SGCD: variants seen among roughly 807,000 people sequenced by gnomAD.
SGCD encodes the protein sarcoglycan delta.
Under a neutral mutation model 36.6 loss-of-function variants are expected in SGCD, and 18 were observed. The ratio of observed to expected loss-of-function variants is 0.49; its 90% CI spans 0.34 to 0.73. The LOEUF (loss-of-function observed/expected upper bound fraction) is 0.73, where lower values mean the gene tolerates loss of function less well. Among genes scored for constraint, SGCD ranks in the 30% least tolerant of loss-of-function variants. The pLI is 0.01. For missense variants in SGCD, 387 were observed against 346.7 expected (o/e 1.12, Z -0.92); for synonymous variants, 133 against 130.6 (o/e 1.02, Z -0.12).
chr5:156,357,640 CA>C (rs1427549158), intron 3 of SGCD, among the ~76,000 whole-genome samples: 3 of 152,110 alleles, frequency 2.0e-5, no homozygotes, highest in Non-Finnish European at 4.4e-5. Flanking sequence ...TGTTGCTTTT[CA>C]GTTACTTTTG....
chr5:156,327,646 T>C lies in SGCD; in HGVS notation c.-44+414T>C, dbSNP rs114305010. ...CGCAAGAGTTTTAATGGGGAGTTTT[T>C]TGTTGTTGTTGTTTTTTAATAGTAG... On this transcript the variant is annotated intron_variant, in intron 1 of 8. Transcript: ENST00000337851. 8.7e-3 allele frequency among the ~76,000 whole-genome samples: 1,306 copies of C among 150,422 alleles called. 21 individuals carry two copies. Among genetic ancestry groups the C allele is most frequent in the African/African-American group, 0.03 (1,228 of 41,450 alleles).
intron 1 of SGCD, among the ~76,000 whole-genome samples, chr5:156,023,654 T>C (rs1759157354): frequency 6.6e-6 from 1 of 152,206 alleles, no homozygotes; most frequent in Admixed American, 6.5e-5. Context: ...AGTGTTGAGA[T>C]GGGCTCAGGT....
At chr5:156,422,802 T>C (rs1773379149) in intron 3 of SGCD, among the ~76,000 whole-genome samples, 1 of 151,994 alleles carries the variant, frequency 6.6e-6, no homozygotes, top group Non-Finnish European at 1.5e-5. Flanking sequence ...CAAAATTGTC[T>C]TCAGACATTG....
rs1245818292 is a variant in SGCD, at chr5:156,554,625, CAT to C, written c.295-34605_295-34604del. On this transcript the variant is annotated intron_variant, in intron 4 of 8. Coordinates refer to ENST00000337851, the MANE Select transcript of SGCD (RefSeq NM_000337.6). ...TGCATATAACATATATGTATATAAA[CAT>C]GTGCATATAATATATATTATATATA... 6.8e-5 allele frequency among the ~76,000 whole-genome samples: 10 copies of C among 147,860 alleles called. No individual in the cohort carries two copies. The East Asian group carries it at 2.0e-3, about 29-fold the overall frequency.
intron 6 of SGCD, among the ~76,000 whole-genome samples, chr5:156,638,698 G>C (rs1327594868): frequency 6.6e-6 from 1 of 152,036 alleles, no homozygotes; most frequent in African/African-American, 2.4e-5. Context: ...TGCTTGGATG[G>C]TTCCTTTTGT....
intron 1 of SGCD, chr5:156,117,866 G>A (rs191247224): frequency 2.0e-5 from 3 of 152,194 alleles, no homozygotes; most frequent in Non-Finnish European, 4.4e-5. Flanking sequence ...ATCCTTTTTT[G>A]TGTGTTCACA....
At chr5:156,105,127 C>G (rs951192025) in intron 1 of SGCD, among the ~76,000 whole-genome samples, 1 of 152,104 alleles carries the variant, frequency 6.6e-6, no homozygotes, top group East Asian at 1.9e-4. Flanking sequence ...CACATGTACC[C>G]TAGAACTTAA....
chr5:156,383,047 C>T (rs1771067271), intron 3 of SGCD, among the ~76,000 whole-genome samples: 1 of 152,144 alleles, frequency 6.6e-6, no homozygotes, highest in Non-Finnish European at 1.5e-5. Flanking sequence ...GATAGGCATT[C>T]ATGAATGCCA....
the SGCD span, among the ~76,000 whole-genome samples, chr5:155,774,881 C>G: frequency 6.6e-6 from 1 of 152,166 alleles, no homozygotes; most frequent in Non-Finnish European, 1.5e-5. Flanking sequence ...CCACAGACCC[C>G]TACCAGTTTA....
At chr5:156,590,155 G>A (rs934511050) in intron 5 of SGCD, among the ~76,000 whole-genome samples, 3 of 152,176 alleles carry the variant, frequency 2.0e-5, no homozygotes, top group African/African-American at 7.2e-5. Flanking sequence ...GTATACGGAT[G>A]GACATTTTGA....
intron 3 of SGCD, among the ~76,000 whole-genome samples, chr5:156,178,569 C>T (rs1763525837): frequency 6.6e-6 from 1 of 152,116 alleles, no homozygotes; most frequent in African/African-American, 2.4e-5. Flanking sequence ...ATCTTATAGA[C>T]AAATGATAAA....
intron 3 of SGCD, among the ~76,000 whole-genome samples, chr5:156,156,614 A>T (rs1377880221): frequency 2.2e-4 from 33 of 151,458 alleles, no homozygotes; most frequent in Admixed American, 2.2e-3. Context: ...ACAGAGTCAG[A>T]CTCTGCCTCA....
At chr5:155,786,465 A>G in the SGCD span, among the ~76,000 whole-genome samples, 1 of 152,174 alleles carries the variant, frequency 6.6e-6, no homozygotes, top group Non-Finnish European at 1.5e-5. Context: ...TGAAACAGTC[A>G]TGGTGGTGTA....
intron 4 of SGCD, among the ~76,000 whole-genome samples, chr5:156,575,882 G>A (rs920822534): frequency 5.9e-5 from 9 of 152,106 alleles, no homozygotes; most frequent in African/African-American, 1.9e-4. Flanking sequence ...GTAGGGGAGA[G>A]TATATTGAAT....
intron 3 of SGCD, among the ~76,000 whole-genome samples, chr5:156,492,084 T>G (rs1057352010): frequency 3.9e-5 from 6 of 152,168 alleles, no homozygotes; most frequent in African/African-American, 1.4e-4. Context: ...AGAGAATGAT[T>G]GCATGTCTTT....
At chr5:155,862,824 A>G in the SGCD span, among the ~76,000 whole-genome samples, 1 of 152,212 alleles carries the variant, frequency 6.6e-6, no homozygotes, top group Admixed American at 6.5e-5. Context: ...GAAGATTTAC[A>G]TGCCATGAAG....
At chr5:156,261,252 A>C (rs1226811428) in intron 3 of SGCD, among the ~76,000 whole-genome samples, 2 of 152,048 alleles carry the variant, frequency 1.3e-5, no homozygotes, top group Non-Finnish European at 2.9e-5. Flanking sequence ...TTTAATTCTG[A>C]TTGTATTTGC....
At position 156,633,370 on chromosome 5, in the gene SGCD, G is replaced by A. The variant is rs1179386869; in HGVS notation, c.503-14094G>A. Among the ~76,000 whole-genome samples the A allele has an allele frequency of 3.9e-5, 6 of 152,128 alleles. No homozygotes were observed. In the South Asian group the frequency reaches 1.0e-3, roughly 26 times the overall value. ...AGTTGTGAGTAGGATGTGCATAACC[G>A]AACTTTATTATTCCATGGTGGTCTT... On this transcript the variant is annotated intron_variant, in intron 6 of 8. Coordinates refer to ENST00000337851, the MANE Select transcript of SGCD (RefSeq NM_000337.6).
At chr5:156,020,818 G>A (rs547803631) in intron 1 of SGCD, among the ~76,000 whole-genome samples, 1 of 152,204 alleles carries the variant, frequency 6.6e-6, no homozygotes, top group South Asian at 2.1e-4. Context: ...TTGGACTTTG[G>A]ATTATTTTCA....
Sources: gnomAD v4.1 joint callset for allele counts (sites outside exome capture counted in the v4.1 genomes callset) on GRCh38, gnomAD v4.1.1 for gene constraint, MANE v1.5 for transcripts, NCBI Gene and HGNC (gene_info 2026-07-23, HGNC 2026-07-21) for gene names.